Variants in GATB observed in about 807,000 individuals in gnomAD.
The protein encoded by GATB is glutamyl-tRNA(Gln) amidotransferase subunit B, mitochondrial.
In GATB, 39 loss-of-function variants were observed where a neutral mutation model predicts 62.3. The observed-to-expected ratio is 0.63, with a 90% confidence interval of 0.48 to 0.82. The LOEUF (loss-of-function observed/expected upper bound fraction) is 0.82, where lower values mean the gene tolerates loss of function less well. GATB is among the 40% of genes least tolerant of loss of function. The pLI is 0.00. For synonymous variants in GATB, 276 were observed against 258.9 expected (o/e 1.07, Z -0.63); for missense variants, 670 against 684.0 (o/e 0.98, Z 0.23).
At chr4:151,728,093 A>C (rs1358649558) in intron 2 of GATB, among the ~76,000 whole-genome samples, 1 of 152,190 alleles carries the variant, frequency 6.6e-6, no homozygotes, top group African/African-American at 2.4e-5. Context: ...CATATTTCTT[A>C]ATGTCTCAGG....
intron 3 of GATB, among the ~76,000 whole-genome samples, chr4:151,718,227 C>T (rs1046996129): frequency 1.4e-4 from 21 of 152,168 alleles, no homozygotes; most frequent in Non-Finnish European, 2.5e-4. Context: ...CTGCAAAAGG[C>T]TAACCCGTTT....
chr4:151,708,730 AG>A (rs1738763658), intron 5 of GATB, among the ~76,000 whole-genome samples: 1 of 152,236 alleles, frequency 6.6e-6, no homozygotes, highest in Non-Finnish European at 1.5e-5. Flanking sequence ...GATTTGCTAC[AG>A]CAGACAGACA....
chr4:151,749,603 G>A (rs187817255), intron 2 of GATB, among the ~76,000 whole-genome samples: 8 of 151,222 alleles, frequency 5.3e-5, no homozygotes, highest in East Asian at 3.9e-4. Context: ...AAACCTGCAC[G>A]TTGTGCACAC....
intron 6 of GATB, among the ~76,000 whole-genome samples, chr4:151,706,696 C>T (rs1381376367): frequency 1.3e-5 from 2 of 152,148 alleles, no homozygotes; most frequent in Non-Finnish European, 2.9e-5. Flanking sequence ...ACTTCAGGTT[C>T]AGGACAATAA....
intron 9 of GATB, among the ~76,000 whole-genome samples, chr4:151,690,020 T>C (rs1204608380): frequency 6.6e-6 from 1 of 152,220 alleles, no homozygotes; most frequent in Non-Finnish European, 1.5e-5. Context: ...GAAATTCAAA[T>C]CAAACAAACT....
chr4:151,671,758 A>G (rs569899863), intron 12 of GATB, among the ~76,000 whole-genome samples: 116 of 133,180 alleles, frequency 8.7e-4, no homozygotes, highest in African/African-American at 2.9e-3. Context: ...CCTTTATCAG[A>G]AAGCAGATCT....
intron 1 of GATB, 143 bp from the exon 2 acceptor site, chr4:151,759,065 T>C (rs2127002908): frequency 1.9e-6 from 1 of 517,270 alleles, no homozygotes; most frequent in East Asian, 3.3e-5. Flanking sequence ...AAATGTGTCA[T>C]ATTTTATCAG....
intron 3 of GATB, among the ~76,000 whole-genome samples, chr4:151,718,897 C>A (rs1370154544): frequency 6.7e-6 from 1 of 148,410 alleles, no homozygotes; most frequent in Non-Finnish European, 1.5e-5. Context: ...AGTAACTGGA[C>A]CAACAGTTTA....
chr4:151,694,731 T>C (rs951120229), intron 9 of GATB, among the ~76,000 whole-genome samples: 12 of 152,228 alleles, frequency 7.9e-5, no homozygotes, highest in African/African-American at 2.4e-4. Context: ...TTGTAGATAC[T>C]ATTAGCTTTA....
At chr4:151,682,595 CA>C (rs1444030979) in intron 10 of GATB, among the ~76,000 whole-genome samples, 1 of 152,142 alleles carries the variant, frequency 6.6e-6, no homozygotes, top group East Asian at 1.9e-4. Flanking sequence ...TTCAAAGCTC[CA>C]AAATTTGTCC....
Position 151,703,970 on chromosome 4 carries a change from C to G in GATB, c.963-75G>C, listed in dbSNP as rs540529742. On this transcript the variant is annotated intron_variant, in intron 7 of 12. Transcript: ENST00000263985. ...AGCCTATATGTGGGGAAGGGCTCCC[C>G]TACCAATAAGGGGCACAGGCAAAAT... 2.9e-6 allele frequency: 3 copies of G among 1,019,280 alleles called. No individual in the cohort carries two copies. In the African/African-American group the frequency reaches 4.8e-5, roughly 16 times the overall value. The allele number at this position is 1,019,280 out of a possible 1,614,324, so 63.1% of individuals were successfully genotyped here.
chr4:151,724,672 T>A (rs1739101363), intron 2 of GATB, among the ~76,000 whole-genome samples: 1 of 152,016 alleles, frequency 6.6e-6, no homozygotes. Flanking sequence ...TTGAGCAAGA[T>A]CTTAGTATCT....
chr4:151,685,836 T>C (rs1197619419), intron 10 of GATB, among the ~76,000 whole-genome samples: 1 of 152,092 alleles, frequency 6.6e-6, no homozygotes, highest in East Asian at 1.9e-4. Context: ...TCACTTGAGA[T>C]CAGGAGTTCG....
At chr4:151,732,160 G>T (rs1163657318) in intron 2 of GATB, among the ~76,000 whole-genome samples, 1 of 150,030 alleles carries the variant, frequency 6.7e-6, no homozygotes, top group Non-Finnish European at 1.5e-5. Context: ...GCCTCTGCCC[G>T]GCCACCCCTT....
intron 3 of GATB, chr4:151,717,306 T>A: frequency 5.5e-6 from 3 of 541,390 alleles, no homozygotes; most frequent in Non-Finnish European, 1.0e-5. Flanking sequence ...CCACCCCTGA[T>A]AACGATGCAA....
chr4:151,743,998 G>A (rs930383977), intron 2 of GATB, among the ~76,000 whole-genome samples: 3 of 152,140 alleles, frequency 2.0e-5, no homozygotes, highest in Non-Finnish European at 4.4e-5. Context: ...GAAAAACACT[G>A]TAATATGAAA....
chr4:151,682,386 T>TAA (rs1560841854), intron 10 of GATB, among the ~76,000 whole-genome samples: 1 of 152,146 alleles, frequency 6.6e-6, no homozygotes, highest in African/African-American at 2.4e-5. Flanking sequence ...CCTAAATAAA[T>TAA]AAACCCTCAG....
chr4:151,738,360 G>A (rs1739421378), intron 2 of GATB, among the ~76,000 whole-genome samples: 1 of 152,176 alleles, frequency 6.6e-6, no homozygotes, highest in African/African-American at 2.4e-5. Context: ...GCGATAGTGA[G>A]TAAGTCTCAC....
chr4:151,703,733 CAAT>C (rs1361603833), intron 8 of GATB, 115 bp downstream of exon 8: 1 of 773,324 alleles, frequency 1.3e-6, no homozygotes, highest in African/African-American at 1.7e-5. Context: ...CATGTTACAA[CAAT>C]GACAAAAAGT....
Sources: allele counts gnomAD v4.1 joint callset (sites outside exome capture counted in the v4.1 genomes callset), GRCh38; gene constraint gnomAD v4.1.1; transcripts MANE v1.5; gene names NCBI Gene and HGNC (gene_info 2026-07-23, HGNC 2026-07-21).